The following BNC2 variants were observed in gnomAD, a reference collection of about 807,000 sequenced individuals.
BNC2 encodes basonuclin zinc finger protein 2, also known as zinc finger protein basonuclin-2.
Under a neutral mutation model 76.3 loss-of-function variants are expected in BNC2, and 20 were observed. The observed-to-expected ratio is 0.26, with a 90% CI of 0.18 to 0.38. The LOEUF is 0.38. BNC2 is among the 10% of genes least tolerant of loss of function. The pLI is 1.00. For missense variants in BNC2, 1,382 were observed against 1,399.8 expected, an observed-to-expected ratio of 0.99 and a Z score of 0.20; for synonymous variants, 582 against 514.8, an observed-to-expected ratio of 1.13 and a Z score of -1.77.
intron 3 of BNC2, among the ~76,000 whole-genome samples, chr9:16,670,735 T>C (rs1010115643): frequency 3.3e-5 from 5 of 152,206 alleles, no homozygotes; most frequent in East Asian, 1.9e-4. Context: ...GGTAAAGGTA[T>C]ACGTGAACTC....
intron 5 of BNC2, among the ~76,000 whole-genome samples, chr9:16,485,069 G>T (rs945271858): frequency 2.0e-5 from 3 of 151,188 alleles, no homozygotes; most frequent in Non-Finnish European, 4.4e-5. Flanking sequence ...TCATTCCTGT[G>T]CTTCCAGAGA....
At chr9:16,716,575 C>T (rs188057214) in intron 3 of BNC2, among the ~76,000 whole-genome samples, 82 of 152,172 alleles carry the variant, frequency 5.4e-4, no homozygotes, top group African/African-American at 1.9e-3. Flanking sequence ...ATTAAAAATA[C>T]CCTATTTAGC....
At chr9:16,422,275 T>C (rs1320383270) in intron 6 of BNC2, among the ~76,000 whole-genome samples, 1 of 152,202 alleles carries the variant, frequency 6.6e-6, no homozygotes, top group African/African-American at 2.4e-5. Context: ...GGCACTCTGT[T>C]CAACAGTGTC....
intron 5 of BNC2, among the ~76,000 whole-genome samples, chr9:16,464,745 G>T (rs895776473): frequency 6.6e-6 from 1 of 151,812 alleles, no homozygotes; most frequent in African/African-American, 2.4e-5. Context: ...TAGCAGAGAT[G>T]GTAACTATAT....
In BNC2 at chr9:16,484,883, A is replaced by G. The variant is rs893758763; in HGVS notation, c.670-47359T>C. ...AGACCAATGACAAGTGATGGGGGAG[A>G]TTACTAATAGGCATTGTTTTACACA... On this transcript the variant is annotated intron_variant, in intron 5 of 6. Coordinates refer to ENST00000380672, the MANE Select transcript of BNC2 (RefSeq NM_017637.6). Among the ~76,000 whole-genome samples, 4 of 152,286 alleles carry G rather than the reference A, an allele frequency of 2.6e-5. 1 individual carries two copies. In the South Asian group the frequency reaches 8.3e-4, roughly 32 times the overall value.
chr9:16,853,464 C>G (rs1344588223), intron 1 of BNC2, among the ~76,000 whole-genome samples: 1 of 151,512 alleles, frequency 6.6e-6, no homozygotes, highest in Non-Finnish European at 1.5e-5. Flanking sequence ...TGATTTTCAA[C>G]GTAACTTTCT....
At position 16,460,415 on chromosome 9, in the gene BNC2, C is replaced by G. The variant is rs139177089; in HGVS notation, c.670-22891G>C. Among the ~76,000 whole-genome samples the G allele has an allele frequency of 4.8e-3, 735 of 152,014 alleles. 5 individuals carry two copies. The highest frequency in any genetic ancestry group is 0.017 in the African/African-American group (698 of 41,474). On this transcript the variant is annotated intron_variant, in intron 5 of 6. Transcript: ENST00000380672. ...AGGCGGGTGGATTGCTTGAGGCCAG[C>G]AGTTCGAGACCAGCCTGGCCAACAT... is the stretch of plus-strand genomic sequence containing the variant.
chr9:16,609,221 C>G, intron 3 of BNC2, among the ~76,000 whole-genome samples: 1 of 152,118 alleles, frequency 6.6e-6, no homozygotes. Context: ...ATTACTACAA[C>G]AAGTATTTTG....
chr9:16,421,588 T>C (rs902617203), intron 6 of BNC2, among the ~76,000 whole-genome samples: 1 of 152,154 alleles, frequency 6.6e-6, no homozygotes, highest in African/African-American at 2.4e-5. Flanking sequence ...AACAGATGCA[T>C]GCAGTGTGTG....
chr9:16,718,843 T>C lies in BNC2; in HGVS notation c.330+8954A>G, dbSNP rs565759265. ...TCAACATACATAGAATTAAGTCACC[T>C]AATTGTCACCAGCCAACCAATGGAG... On this transcript the variant is annotated intron_variant, in intron 3 of 6. Coordinates refer to ENST00000380672, the MANE Select transcript of BNC2 (RefSeq NM_017637.6). Among the ~76,000 whole-genome samples, 9 of 152,304 alleles carry C rather than the reference T, an allele frequency of 5.9e-5. No homozygotes were observed. In the East Asian group the frequency reaches 1.7e-3, roughly 29 times the overall value.
intron 3 of BNC2, among the ~76,000 whole-genome samples, chr9:16,653,697 G>C (rs1331686198): frequency 6.6e-6 from 1 of 152,176 alleles, no homozygotes; most frequent in African/African-American, 2.4e-5. Context: ...GGTCGGCAGG[G>C]TGGGGAATAG....
chr9:16,698,585 C>T (rs1361159596), intron 3 of BNC2, among the ~76,000 whole-genome samples: 1 of 151,924 alleles, frequency 6.6e-6, no homozygotes, highest in African/African-American at 2.4e-5. Context: ...CCCAGATACT[C>T]GGGAGGCTGA....
At chr9:16,758,150 T>G (rs1188045030) in intron 1 of BNC2, among the ~76,000 whole-genome samples, 1 of 152,130 alleles carries the variant, frequency 6.6e-6, no homozygotes, top group East Asian at 1.9e-4. Flanking sequence ...AGGGCCCAGA[T>G]GCTCCATCTT....
intron 3 of BNC2, among the ~76,000 whole-genome samples, chr9:16,661,091 A>G (rs1822097952): frequency 6.6e-6 from 1 of 152,152 alleles, no homozygotes; most frequent in African/African-American, 2.4e-5. Context: ...GGCTCAAGAA[A>G]AGCAATTAAC....
At chr9:16,437,929 T>G in intron 5 of BNC2, among the ~76,000 whole-genome samples, 1 of 152,228 alleles carries the variant, frequency 6.6e-6, no homozygotes, top group East Asian at 1.9e-4. Flanking sequence ...TAGTCCTTAT[T>G]AAATAGTGAT....
rs375273585 is a variant in BNC2, at chr9:16,809,794, A to G, written c.3+60852T>C. The stretch of plus-strand genomic sequence containing the variant: ...TCTGTCTCAAAAACACAAAAAAAGA[A>G]AACAGTGTGCCCAGAACAAGAAGCC... On this transcript the variant is annotated intron_variant, in intron 1 of 6. Transcript: ENST00000380672. Among the ~76,000 whole-genome samples, 14 of 152,266 alleles carry G rather than the reference A, an allele frequency of 9.2e-5. No homozygotes were observed. The East Asian group carries it at 2.3e-3, about 25-fold the overall frequency.
At chr9:16,795,447 AGC>A (rs1817621451) in intron 1 of BNC2, among the ~76,000 whole-genome samples, 1 of 151,320 alleles carries the variant, frequency 6.6e-6, no homozygotes, top group South Asian at 2.1e-4. Context: ...TGGGAGACTG[AGC>A]CATCTGATGA....
chr9:16,792,291 G>C (rs993530970), intron 1 of BNC2, among the ~76,000 whole-genome samples: 1 of 152,100 alleles, frequency 6.6e-6, no homozygotes, highest in African/African-American at 2.4e-5. Context: ...TTGTCCAAAA[G>C]CATGCAACCT....
At chr9:16,444,119 G>A (rs1821183531) in intron 5 of BNC2, among the ~76,000 whole-genome samples, 1 of 152,100 alleles carries the variant, frequency 6.6e-6, no homozygotes, top group African/African-American at 2.4e-5. Context: ...AGGCACACAT[G>A]CTCCCATTTG....
Sources: allele counts gnomAD v4.1 joint callset (sites outside exome capture counted in the v4.1 genomes callset), GRCh38; gene constraint gnomAD v4.1.1; transcripts MANE v1.5; gene names NCBI Gene and HGNC (gene_info 2026-07-23, HGNC 2026-07-21).